ETFRF1: variants seen among roughly 807,000 people sequenced by gnomAD.
ETFRF1 encodes electron transfer flavoprotein regulatory factor 1.
ETFRF1 carries 12 observed loss-of-function variants against 9.0 expected under a neutral mutation model. The ratio of observed to expected loss-of-function variants is 1.34; its 90% confidence interval spans 0.86 to 2.16. ETFRF1 has a LOEUF of 2.16. ETFRF1 is among the 30% of genes most tolerant of loss of function. The probability of loss-of-function intolerance (pLI) is 0.00; values close to 1 mark genes in which losing one functional copy is unlikely to be tolerated. For synonymous variants in ETFRF1, 34 were observed against 33.2 expected, an observed-to-expected ratio of 1.02 and a Z score of -0.08; for missense variants, 98 against 101.8, an observed-to-expected ratio of 0.96 and a Z score of 0.16.
At chr12:25,203,120 TATCA>T (rs945193348) in intron 1 of ETFRF1, among the ~76,000 whole-genome samples, 19 of 152,218 alleles carry the variant, frequency 1.2e-4, no homozygotes, top group African/African-American at 4.1e-4. Context: ...TAATCAAAGT[TATCA>T]ATCACAATGG....
At chr12:25,198,157 G>A (rs563423936) in intron 1 of ETFRF1, among the ~76,000 whole-genome samples, 1 of 152,262 alleles carries the variant, frequency 6.6e-6, no homozygotes, top group East Asian at 1.9e-4. Flanking sequence ...GAAGACTAGA[G>A]GTTTATTTCT....
rs1951100798 is a variant in ETFRF1, at chr12:25,203,989, A to G, written c.33A>G (p.Val11=). Residue 11 remains valine (V), a synonymous_variant, in exon 2 of 3, where the codon GTA becomes GTG. Transcript: ENST00000381356. Reference sequence around the variant, plus strand: ...TGGCCAATTCTTTAAGAGGAGAAGTACTAAAACTTTATAAAAATGTAAGTA... The same window carrying G: ...TGGCCAATTCTTTAAGAGGAGAAGTGCTAAAACTTTATAAAAATGTAAGTA... MKMANSLRGE[V]LKLYKNLLYL... is the part of the protein sequence containing the mutation. The G allele has an allele frequency of 6.6e-7, 1 of 1,507,018 alleles. No homozygotes were observed. Among genetic ancestry groups the G allele is most frequent in the Non-Finnish European group, 8.9e-7 (1 of 1,126,770 alleles). The allele number at this position is 1,507,018 out of a possible 1,614,324, so 93.4% of individuals were successfully genotyped here. A position where few individuals can be genotyped will look rare whatever the true frequency, so the allele number is the denominator to read the frequency against.
chr12:25,202,617 G>A (rs1189435314), intron 1 of ETFRF1, among the ~76,000 whole-genome samples: 2 of 152,132 alleles, frequency 1.3e-5, no homozygotes, highest in Non-Finnish European at 2.9e-5. Flanking sequence ...GATGGTGGCA[G>A]TGGCACTCTG....
chr12:25,199,255 C>G (rs1161885989), intron 1 of ETFRF1, among the ~76,000 whole-genome samples: 2 of 148,296 alleles, frequency 1.3e-5, no homozygotes, highest in East Asian at 3.9e-4. Context: ...AAAGGAATTA[C>G]TATGTACTAT....
At chr12:25,200,259 A>G (rs1459081266) in intron 1 of ETFRF1, among the ~76,000 whole-genome samples, 1 of 152,134 alleles carries the variant, frequency 6.6e-6, no homozygotes, top group African/African-American at 2.4e-5. Context: ...GGAAGAGAAC[A>G]TGTTTAGAAG....
chr12:25,195,251 C>G lies in ETFRF1; in HGVS notation c.-124C>G. ...CCGCCCCCTTTACTGACAGGTTGCCCACCTCCCCCAACGCCACCCCGCTTC... is the reference window on the plus strand; with the variant it reads ...CCGCCCCCTTTACTGACAGGTTGCCGACCTCCCCCAACGCCACCCCGCTTC... On this transcript the variant is annotated 5_prime_UTR_variant, in exon 1 of 3. Transcript: ENST00000381356. The G allele has an allele frequency of 1.4e-6, 1 of 695,722 alleles. No individual in the cohort carries two copies. The highest frequency in any genetic ancestry group is 2.5e-6 in the Non-Finnish European group (1 of 392,448). The allele number at this position is 695,722 out of a possible 1,614,324, so 43.1% of individuals were successfully genotyped here. A position where few individuals can be genotyped will look rare whatever the true frequency, so the allele number is the denominator to read the frequency against.
Position 25,204,773 on chromosome 12 carries a change from T to C in ETFRF1, c.*461T>C, listed in dbSNP as rs1951115062. 5.4e-6 allele frequency: 1 copy of C among 186,814 alleles called. No homozygotes were observed. The highest frequency in any genetic ancestry group is 6.2e-5 in the Admixed American group (1 of 16,126). The allele number at this position is 186,814 out of a possible 1,614,324, so 11.6% of individuals were successfully genotyped here. On this transcript the variant is annotated 3_prime_UTR_variant, in exon 3 of 3. Coordinates refer to ENST00000381356, the MANE Select transcript of ETFRF1 (RefSeq NM_001001660.3). ...TTAACAGCACATACTCAAGGTTCAC[T>C]ACAAAACAAACAGTTCCTGGTAATG...
intron 1 of ETFRF1, among the ~76,000 whole-genome samples, chr12:25,202,930 CTT>C (rs1951087778): frequency 6.6e-6 from 1 of 152,116 alleles, no homozygotes; most frequent in Non-Finnish European, 1.5e-5. Flanking sequence ...AGCTTTGTCA[CTT>C]AGAGGACCTG....
Position 25,203,867 on chromosome 12 carries a change from ATTTTT to A in ETFRF1, c.-37-50_-37-46del, listed in dbSNP as rs369430275. 748 of 1,024,750 alleles carry A rather than the reference ATTTTT, an allele frequency of 7.3e-4. 18 individuals are homozygous for A. In the East Asian group the frequency reaches 0.021, roughly 29 times the overall value. The allele number at this position is 1,024,750 out of a possible 1,614,324, so 63.5% of individuals were successfully genotyped here. A position where few individuals can be genotyped will look rare whatever the true frequency, so the allele number is the denominator to read the frequency against. ...TTCTCAATGTGTATAACCTTTTTTT[ATTTTT>A]TTAAGACTACAATGCAGCTAATTGC... On this transcript the variant is annotated intron_variant, in intron 1 of 2. Coordinates refer to ENST00000381356, the MANE Select transcript of ETFRF1 (RefSeq NM_001001660.3).
chr12:25,202,770 T>C (rs1202901987), intron 1 of ETFRF1, among the ~76,000 whole-genome samples: 2 of 152,172 alleles, frequency 1.3e-5, no homozygotes, highest in African/African-American at 4.8e-5. Flanking sequence ...CTTCTCACTG[T>C]TCAGCAAGAG....
chr12:25,204,585 T>TCTAA lies in ETFRF1; in HGVS notation c.*276_*279dup, dbSNP rs780821531. On this transcript the variant is annotated 3_prime_UTR_variant, in exon 3 of 3. Coordinates refer to ENST00000381356, the MANE Select transcript of ETFRF1 (RefSeq NM_001001660.3). The stretch of plus-strand genomic sequence containing the variant: ...AATGAAAATATAATACACTTAATCC[T>TCTAA]CTAACTTAATAGGACTTAGCCAATT... The TCTAA allele has an allele frequency of 4.5e-5, 12 of 268,620 alleles. No homozygotes were observed. The highest frequency in any genetic ancestry group is 2.2e-4 in the African/African-American group (10 of 45,906). The allele number at this position is 268,620 out of a possible 1,614,324, so 16.6% of individuals were successfully genotyped here.
At chr12:25,198,549 A>C (rs1054704042) in intron 1 of ETFRF1, among the ~76,000 whole-genome samples, 5 of 152,302 alleles carry the variant, frequency 3.3e-5, no homozygotes, top group African/African-American at 1.2e-4. Flanking sequence ...CAGAAAAGCA[A>C]TTTGAAGTAA....
intron 1 of ETFRF1, among the ~76,000 whole-genome samples, chr12:25,197,315 C>G (rs1477387984): frequency 6.6e-6 from 1 of 152,158 alleles, no homozygotes; most frequent in Non-Finnish European, 1.5e-5. Context: ...TAAGCCAGGT[C>G]CCTGAAAGCT....
intron 1 of ETFRF1, among the ~76,000 whole-genome samples, chr12:25,200,824 A>AT (rs1179450420): frequency 6.6e-6 from 1 of 152,210 alleles, no homozygotes; most frequent in Non-Finnish European, 1.5e-5. Context: ...GGCAAGAGGA[A>AT]TTTCTGGGAG....
intron 1 of ETFRF1, among the ~76,000 whole-genome samples, chr12:25,198,995 A>C (rs994497779): frequency 5.9e-5 from 9 of 152,114 alleles, no homozygotes; most frequent in African/African-American, 2.2e-4. Context: ...ATGGATTTCT[A>C]CTTCCATGTG....
At chr12:25,202,061 T>C (rs147716527) in intron 1 of ETFRF1, among the ~76,000 whole-genome samples, 1 of 5,708 alleles carries the variant, frequency 1.8e-4, no homozygotes, top group Admixed American at 3.4e-3. Context: ...TCTACTGAAA[T>C]ACAAAAAAAA....
intron 1 of ETFRF1, among the ~76,000 whole-genome samples, chr12:25,200,606 A>C (rs1592786564): frequency 6.6e-6 from 1 of 152,332 alleles, no homozygotes; most frequent in South Asian, 2.1e-4. Flanking sequence ...AAAATGTTGA[A>C]AAGAAAATTA....
intron 1 of ETFRF1, among the ~76,000 whole-genome samples, chr12:25,203,539 G>A (rs1402326901): frequency 1.3e-5 from 2 of 152,200 alleles, no homozygotes; most frequent in Non-Finnish European, 2.9e-5. Context: ...TGTTGATAAG[G>A]AAAACTCAGG....
At chr12:25,196,297 GAA>G (rs750540479) in intron 1 of ETFRF1, 11 of 152,320 alleles carry the variant, frequency 7.2e-5, no homozygotes, top group Non-Finnish European at 1.5e-4. Context: ...TGTTTGATAT[GAA>G]AGTTAAGGCT....
Sources: gnomAD v4.1 joint callset for allele counts (sites outside exome capture counted in the v4.1 genomes callset) on GRCh38, gnomAD v4.1.1 for gene constraint, MANE v1.5 for transcripts, NCBI Gene and HGNC (gene_info 2026-07-23, HGNC 2026-07-21) for gene names.